The following TNFRSF11A variants were observed in gnomAD, a reference collection of about 807,000 sequenced individuals.
TNFRSF11A encodes the protein TNF receptor superfamily member 11a.
A neutral mutation model predicts 55.7 loss-of-function variants in TNFRSF11A; 32 were observed. The observed-to-expected ratio is 0.57, with a 90% CI of 0.43 to 0.77. The LOEUF is 0.77. TNFRSF11A is among the 30% of genes least tolerant of loss of function. TNFRSF11A has a pLI of 0.00. For synonymous variants in TNFRSF11A, 311 were observed against 331.0 expected (o/e 0.94, Z 0.65); for missense variants, 753 against 809.8 (o/e 0.93, Z 0.85).
At chr18:62,373,951 C>T (rs913718650) in intron 9 of TNFRSF11A, 3 of 152,260 alleles carry the variant, frequency 2.0e-5, no homozygotes, top group South Asian at 2.1e-4. Flanking sequence ...CTTACCTCCC[C>T]TCCTTTCTTC....
intron 1 of TNFRSF11A, among the ~76,000 whole-genome samples, chr18:62,347,341 GA>G (rs2046398117): frequency 6.6e-6 from 1 of 152,182 alleles, no homozygotes; most frequent in Admixed American, 6.5e-5. Flanking sequence ...TGCTGATCAG[GA>G]AAAGAACTTT....
In TNFRSF11A at chr18:62,368,819, A is replaced by G. The variant is rs577066104; in HGVS notation, c.902A>G (p.Tyr301Cys). Residue 301 changes from tyrosine to cysteine, a missense_variant, in exon 9 of 10, where the codon TAC becomes TGC. Tyr to Cys is a radical substitution (Grantham distance 194). This residue lies in a region of TNFRSF11A where 567 missense variants were observed against 596.7 expected (regional missense o/e 0.95). Coordinates refer to ENST00000586569, the MANE Select transcript of TNFRSF11A (RefSeq NM_003839.4). ...EEKTFPEDMC[Y>C]PDQGGVCQGT... Reference sequence around the variant, plus strand: ...AAGACATTTCCAGAAGATATGTGCTACCCAGATCAAGGTGGTGTCTGTCAG... The same window carrying G: ...AAGACATTTCCAGAAGATATGTGCTGCCCAGATCAAGGTGGTGTCTGTCAG... 2 of 1,614,236 alleles carry G rather than the reference A, an allele frequency of 1.2e-6. No individual in the cohort carries two copies. The highest frequency in any genetic ancestry group is 3.3e-5 in the Admixed American group (2 of 60,036).
intron 8 of TNFRSF11A, among the ~76,000 whole-genome samples, chr18:62,367,878 C>A (rs1010996626): frequency 7.1e-6 from 1 of 141,650 alleles, no homozygotes; most frequent in African/African-American, 2.6e-5. Flanking sequence ...ACTGCAACCT[C>A]TGCCTCCCAG....
At chr18:62,368,646 T>C in intron 8 of TNFRSF11A, 55 bp from the exon 9 acceptor site, 8 of 1,585,014 alleles carry the variant, frequency 5.0e-6, no homozygotes, top group Non-Finnish European at 6.9e-6. Context: ...TTAGCTAAAC[T>C]TGTCCTAATA....
chr18:62,385,981 G>GA lies in TNFRSF11A; in HGVS notation c.*953dup, dbSNP rs1568501460. 1 of 152,062 alleles carries GA rather than the reference G, an allele frequency of 6.6e-6. No homozygotes were observed. Among genetic ancestry groups the GA allele is most frequent in the African/African-American group, 2.4e-5 (1 of 41,440 alleles). The allele number at this position is 152,062 out of a possible 1,614,324, so 9.4% of individuals were successfully genotyped here. ...TATATTCTCATTTTTCTAAAAGAAA[G>GA]AAAAAAGGAAACCCGATTTATTTCT... On this transcript the variant is annotated 3_prime_UTR_variant, in exon 10 of 10. Coordinates refer to ENST00000586569, the MANE Select transcript of TNFRSF11A (RefSeq NM_003839.4).
rs957122952 is a variant in TNFRSF11A at position 62,387,444 on chromosome 18, G to A, written c.*2410G>A. 8 of 152,212 alleles carry A rather than the reference G, an allele frequency of 5.3e-5. No individual in the cohort carries two copies. The highest frequency in any genetic ancestry group is 1.3e-4 in the Admixed American group (2 of 15,298). The allele number at this position is 152,212 out of a possible 1,614,324, so 9.4% of individuals were successfully genotyped here. ...ATCCTTTTTATGGCTTACTAAAACC[G>A]AGCTCACTGTAAAATCATGATCCAA... On this transcript the variant is annotated 3_prime_UTR_variant, in exon 10 of 10. Coordinates refer to ENST00000586569, the MANE Select transcript of TNFRSF11A (RefSeq NM_003839.4).
At chr18:62,351,406 C>T (rs1490480448) in intron 3 of TNFRSF11A, among the ~76,000 whole-genome samples, 1 of 152,200 alleles carries the variant, frequency 6.6e-6, no homozygotes, top group Non-Finnish European at 1.5e-5. Flanking sequence ...TTGTTTGTGG[C>T]AAACTTCATA....
chr18:62,353,544 G>A (rs1383566325), intron 3 of TNFRSF11A, among the ~76,000 whole-genome samples: 2 of 152,290 alleles, frequency 1.3e-5, no homozygotes, highest in East Asian at 1.9e-4. Flanking sequence ...AAATGTACAC[G>A]GTTCTGTCCC....
chr18:62,370,975 G>A (rs1280627282), intron 9 of TNFRSF11A, among the ~76,000 whole-genome samples: 3 of 152,012 alleles, frequency 2.0e-5, no homozygotes, highest in Non-Finnish European at 2.9e-5. Context: ...GACTATAGGC[G>A]CATGCCACCA....
rs749719550 is a variant in TNFRSF11A, at chr18:62,368,988, A to C, written c.1071A>C (p.Thr357=). The part of the protein sequence containing the change: ...DEYMDRPSQP[T]DQLLFLTEPG... ...ACATGGACAGGCCCTCCCAGCCCACAGACCAGTTACTGTTCCTCACTGAGC... is the reference window on the plus strand; with the variant it reads ...ACATGGACAGGCCCTCCCAGCCCACCGACCAGTTACTGTTCCTCACTGAGC... Residue 357 remains threonine (T), a synonymous_variant, in exon 9 of 10, where the codon ACA becomes ACC. Transcript: ENST00000586569. 14 of 1,614,256 alleles carry C rather than the reference A, an allele frequency of 8.7e-6. No individual in the cohort carries two copies. The highest frequency in any genetic ancestry group is 1.0e-5 in the Non-Finnish European group (12 of 1,180,046).
rs559449467 is a variant in TNFRSF11A, at chr18:62,337,012, G to A, written c.76-11156G>A. On this transcript the variant is annotated intron_variant, in intron 1 of 9. Transcript: ENST00000586569. The stretch of plus-strand genomic sequence containing the variant: ...TTTAAGAAGCACATCTGGAATCAAG[G>A]TGGTCAGAGGGGGAAATGCTGATGG... Among the ~76,000 whole-genome samples, 145 of 152,236 alleles carry A rather than the reference G, an allele frequency of 9.5e-4. 2 individuals carry two copies. The highest frequency in any genetic ancestry group is 3.9e-3 in the Admixed American group (59 of 15,290).
rs1911651156 is a variant in TNFRSF11A, at chr18:62,385,391, CT to C, written c.*361del. 4.7e-6 allele frequency: 1 copy of C among 212,156 alleles called. No homozygotes were observed. Among genetic ancestry groups the C allele is most frequent in the African/African-American group, 2.3e-5 (1 of 43,384 alleles). 13.1% of individuals were successfully genotyped at this position (212,156 alleles called of 1,614,324 possible). On this transcript the variant is annotated 3_prime_UTR_variant, in exon 10 of 10. Coordinates refer to ENST00000586569, the MANE Select transcript of TNFRSF11A (RefSeq NM_003839.4). ...CCCATATTTGTATTCCTTTTCATAACTTTTCTTGATATCTTTCCTCCCTCTT... is the reference window on the plus strand; with the variant it reads ...CCCATATTTGTATTCCTTTTCATAACTTTCTTGATATCTTTCCTCCCTCTT...
intron 1 of TNFRSF11A, among the ~76,000 whole-genome samples, chr18:62,344,220 T>C (rs2046351604): frequency 6.6e-6 from 1 of 152,228 alleles, no homozygotes; most frequent in South Asian, 2.1e-4. Flanking sequence ...CGTTTTGAAT[T>C]TTGTCTCATG....
At chr18:62,347,876 C>A (rs540266754) in intron 1 of TNFRSF11A, among the ~76,000 whole-genome samples, 1 of 150,404 alleles carries the variant, frequency 6.6e-6, no homozygotes, top group South Asian at 2.1e-4. Flanking sequence ...TGCACTCCAG[C>A]CTGGGCAATA....
Position 62,349,861 on chromosome 18 carries a change from G to T in TNFRSF11A, c.207G>T (p.Leu69=). The T allele has an allele frequency of 6.2e-7, 1 of 1,614,080 alleles. No individual in the cohort carries two copies. Among genetic ancestry groups the T allele is most frequent in the Non-Finnish European group, 8.5e-7 (1 of 1,179,950 alleles). ...CTACTACCTCTGACAGTGTATGTCT[G>T]CCCTGTGGCCCGGATGAATACTTGG... ...KCTTTSDSVC[L]PCGPDEYLDS... The change falls in exon 3 of 10, where the codon CTG becomes CTT. Residue 69 remains leucine, a synonymous_variant. Transcript: ENST00000586569.
chr18:62,361,695 T>C lies in TNFRSF11A; in HGVS notation c.632T>C (p.Leu211Ser). 6.2e-6 allele frequency: 10 copies of C among 1,614,136 alleles called. No individual in the cohort carries two copies. Among genetic ancestry groups the C allele is most frequent in the Non-Finnish European group, 8.5e-6 (10 of 1,179,970 alleles). ...RKPPNEPHVY[L>S]PGLIILLLFA... is the part of the protein sequence containing the mutation. ...TCCAATACAGAACCCCATGTTTACT[T>C]GCCCGGTTTAATAATTCTGCTTCTC... Residue 211 changes from leucine to serine, a missense_variant, in exon 7 of 10, where the codon TTG (leucine) becomes TCG (serine). By Grantham distance (145) the Leu-to-Ser change is moderately radical (BLOSUM62 -2). This residue lies in a region of TNFRSF11A where 567 missense variants were observed against 596.7 expected (regional missense o/e 0.95). Coordinates refer to ENST00000586569, the MANE Select transcript of TNFRSF11A (RefSeq NM_003839.4).
intron 9 of TNFRSF11A, among the ~76,000 whole-genome samples, chr18:62,376,853 T>C (rs1034703934): frequency 1.3e-5 from 2 of 152,224 alleles, no homozygotes; most frequent in African/African-American, 4.8e-5. Flanking sequence ...TCAGATTGGC[T>C]TTGTTTACTT....
chr18:62,362,737 TA>T (rs33933984), intron 7 of TNFRSF11A, among the ~76,000 whole-genome samples: 104,578 of 151,946 alleles, frequency 0.69, 36,365 homozygotes, highest in African/African-American at 0.76. Flanking sequence ...GAATATCTCT[TA>T]AATCTTTCCT....
chr18:62,367,788 C>CTTT (rs67721371), intron 8 of TNFRSF11A, among the ~76,000 whole-genome samples: 1,831 of 78,736 alleles, frequency 0.023, 31 homozygotes, highest in East Asian at 0.026. Flanking sequence ...TCTTCTTCTT[C>CTTT]TTTTTTTTTT....
Sources: gnomAD v4.1 joint callset for allele counts (sites outside exome capture counted in the v4.1 genomes callset) on GRCh38, gnomAD v4.1.1 for gene constraint, gnomAD v4.1.1 regional missense constraint, MANE v1.5 for transcripts, NCBI Gene and HGNC (gene_info 2026-07-23, HGNC 2026-07-21) for gene names.